CDH10: variants seen among roughly 807,000 people sequenced by gnomAD.
The protein encoded by CDH10 is cadherin 10.
CDH10 carries 30 observed loss-of-function variants against 73.1 expected under a neutral mutation model. The observed-to-expected ratio is 0.41, with a 90% CI of 0.31 to 0.56. CDH10 has a LOEUF of 0.56. Among genes scored for constraint, CDH10 ranks in the 20% least tolerant of loss-of-function variants. CDH10 has a pLI of 0.27. For missense variants in CDH10, 815 were observed against 973.7 expected (o/e 0.84, Z 2.17); for synonymous variants, 345 against 348.2 (o/e 0.99, Z 0.10).
At chr5:24,628,945 T>C (rs948413797) in intron 1 of CDH10, among the ~76,000 whole-genome samples, 1 of 150,968 alleles carries the variant, frequency 6.6e-6, no homozygotes, top group Non-Finnish European at 1.5e-5. Context: ...CTGATGATCC[T>C]AGTACTTTAT....
At chr5:24,549,473 A>G (rs1363204037) in intron 2 of CDH10, among the ~76,000 whole-genome samples, 16 of 152,222 alleles carry the variant, frequency 1.1e-4, no homozygotes, top group Admixed American at 1.0e-3. Context: ...AGAAAGACAC[A>G]TTAATGTCAA....
chr5:24,620,593 A>G (rs1377107056), intron 1 of CDH10, among the ~76,000 whole-genome samples: 1 of 152,184 alleles, frequency 6.6e-6, no homozygotes, highest in East Asian at 1.9e-4. Flanking sequence ...CTATTTTTCC[A>G]TATATATACT....
chr5:24,615,616 C>T (rs1447159142), intron 1 of CDH10, among the ~76,000 whole-genome samples: 1 of 152,196 alleles, frequency 6.6e-6, no homozygotes, highest in Non-Finnish European at 1.5e-5. Flanking sequence ...ACTCCTACAT[C>T]TTTCATGGAT....
chr5:24,543,002 G>A (rs943754956), intron 2 of CDH10, among the ~76,000 whole-genome samples: 3 of 151,770 alleles, frequency 2.0e-5, no homozygotes, highest in South Asian at 4.2e-4. Context: ...TCTTAATATC[G>A]ATTCATTTTT....
intron 1 of CDH10, among the ~76,000 whole-genome samples, chr5:24,605,262 C>G (rs1746720626): frequency 6.6e-6 from 1 of 152,190 alleles, no homozygotes; most frequent in African/African-American, 2.4e-5. Context: ...GGTCTATGAC[C>G]TGTTAGGAAC....
At chr5:24,625,259 A>G (rs1248259133) in intron 1 of CDH10, among the ~76,000 whole-genome samples, 1 of 103,438 alleles carries the variant, frequency 9.7e-6, no homozygotes, top group Non-Finnish European at 2.4e-5. Flanking sequence ...ATCTTTGTCA[A>G]AGGACAGAAC....
intron 2 of CDH10, 33 bp downstream of exon 2, chr5:24,593,227 A>G: frequency 1.7e-6 from 2 of 1,207,062 alleles, no homozygotes; most frequent in Non-Finnish European, 2.5e-6. Flanking sequence ...TAAAGAGCAA[A>G]TATAAACACG....
intron 1 of CDH10, among the ~76,000 whole-genome samples, chr5:24,628,944 C>G (rs915597844): frequency 1.3e-5 from 2 of 150,318 alleles, no homozygotes; most frequent in African/African-American, 4.9e-5. Context: ...ACTGATGATC[C>G]TAGTACTTTA....
At chr5:24,603,590 G>A (rs1219861424) in intron 1 of CDH10, among the ~76,000 whole-genome samples, 2 of 151,938 alleles carry the variant, frequency 1.3e-5, no homozygotes, top group Admixed American at 6.6e-5. Flanking sequence ...TTCAATAGAT[G>A]AAGAAAAAAC....
At chr5:24,558,176 A>C (rs4455523) in intron 2 of CDH10, among the ~76,000 whole-genome samples, 1 of 151,490 alleles carries the variant, frequency 6.6e-6, no homozygotes, top group East Asian at 1.9e-4. Context: ...GACATCCTGT[A>C]AATAATGTTG....
chr5:24,490,996 T>C (rs1031894232), intron 11 of CDH10, among the ~76,000 whole-genome samples: 2 of 152,114 alleles, frequency 1.3e-5, no homozygotes, highest in Non-Finnish European at 2.9e-5. Flanking sequence ...TTATCTTCCA[T>C]CTCTTCCAAC....
At chr5:24,500,201 C>G (rs759908585) in intron 8 of CDH10, among the ~76,000 whole-genome samples, 6 of 151,934 alleles carry the variant, frequency 3.9e-5, no homozygotes, top group Admixed American at 6.6e-5. Flanking sequence ...AATTTATATC[C>G]CCTTGTTCTC....
intron 2 of CDH10, among the ~76,000 whole-genome samples, chr5:24,549,750 C>T (rs1236208186): frequency 6.6e-6 from 1 of 151,976 alleles, no homozygotes. Flanking sequence ...CGAGGTTTCA[C>T]CATGTTGGCC....
intron 10 of CDH10, 89 bp from the exon 11 acceptor site, chr5:24,491,916 A>ATG: frequency 2.7e-6 from 2 of 730,512 alleles, no homozygotes; most frequent in Non-Finnish European, 4.3e-6. Flanking sequence ...AAATAAAAAC[A>ATG]TATTTATGTA....
intron 8 of CDH10, among the ~76,000 whole-genome samples, chr5:24,503,858 A>G (rs1475227853): frequency 6.6e-6 from 1 of 152,170 alleles, no homozygotes; most frequent in East Asian, 1.9e-4. Context: ...GATTAACAAT[A>G]TATTCCTGGG....
intron 1 of CDH10, among the ~76,000 whole-genome samples, chr5:24,604,096 C>T (rs745671105): frequency 2.0e-5 from 3 of 152,132 alleles, no homozygotes; most frequent in South Asian, 2.1e-4. Flanking sequence ...CTCCTGTATT[C>T]GAAACCCTTT....
chr5:24,522,170 CA>C (rs1323574983), intron 5 of CDH10, among the ~76,000 whole-genome samples: 5 of 38,694 alleles, frequency 1.3e-4, no homozygotes, highest in Non-Finnish European at 2.4e-4. Flanking sequence ...AACAAACAAA[CA>C]AAAAAAACTA....
intron 2 of CDH10, among the ~76,000 whole-genome samples, chr5:24,562,054 T>G (rs1478848999): frequency 6.6e-6 from 1 of 152,100 alleles, no homozygotes; most frequent in African/African-American, 2.4e-5. Context: ...AATAAAATAC[T>G]GTGCAACAGT....
chr5:24,626,270 A>AT, intron 1 of CDH10, among the ~76,000 whole-genome samples: 1 of 151,942 alleles, frequency 6.6e-6, no homozygotes, highest in South Asian at 2.1e-4. Flanking sequence ...CTCTTGATTC[A>AT]TTTTTTCTCT....
Sources: gnomAD v4.1 joint callset for allele counts (sites outside exome capture counted in the v4.1 genomes callset) on GRCh38, gnomAD v4.1.1 for gene constraint, MANE v1.5 for transcripts, NCBI Gene and HGNC (gene_info 2026-07-23, HGNC 2026-07-21) for gene names.